Variants in ADTRP observed in about 807,000 individuals in gnomAD.
The protein encoded by ADTRP is androgen dependent TFPI regulating protein, also known as androgen-dependent TFPI-regulating protein.
ADTRP carries 20 observed loss-of-function variants against 27.0 expected under a neutral mutation model. That is an observed-to-expected ratio of 0.74 (90% CI 0.52 to 1.08). ADTRP has a LOEUF of 1.08. ADTRP is among the 50% of genes least tolerant of loss of function. The probability of loss-of-function intolerance (pLI) is 0.00; values close to 1 mark genes in which losing one functional copy is unlikely to be tolerated. For synonymous variants in ADTRP, 101 were observed against 105.2 expected (o/e 0.96, Z 0.25); for missense variants, 251 against 275.0 (o/e 0.91, Z 0.62).
At chr6:11,769,131 C>T (rs55647423) in intron 1 of ADTRP, among the ~76,000 whole-genome samples, 2,462 of 152,194 alleles carry the variant, frequency 0.016, 82 homozygotes, top group African/African-American at 0.055. Flanking sequence ...ATTCTTGTTG[C>T]TTTGTACAGT....
chr6:11,778,092 C>A (rs544182071), intron 1 of ADTRP, among the ~76,000 whole-genome samples: 3 of 152,160 alleles, frequency 2.0e-5, no homozygotes, highest in African/African-American at 7.2e-5. Context: ...TAAGATGGAG[C>A]CTGAACCTAT....
chr6:11,747,189 C>T (rs1762891792), intron 3 of ADTRP, among the ~76,000 whole-genome samples: 2 of 152,150 alleles, frequency 1.3e-5, no homozygotes, highest in South Asian at 4.1e-4. Context: ...AAAATTTCTC[C>T]AAAGGTCACA....
intron 1 of ADTRP, among the ~76,000 whole-genome samples, chr6:11,770,554 G>A (rs1271405277): frequency 6.6e-6 from 1 of 152,112 alleles, no homozygotes; most frequent in African/African-American, 2.4e-5. Flanking sequence ...ACGGCCGGGG[G>A]TAGAAGAGCC....
Position 11,714,393 on chromosome 6 carries a change from C to T in ADTRP, c.*85G>A, listed in dbSNP as rs1761743994. 6.8e-7 allele frequency: 1 copy of T among 1,476,492 alleles called. No individual in the cohort carries two copies. Among genetic ancestry groups the T allele is most frequent in the Non-Finnish European group, 9.2e-7 (1 of 1,090,304 alleles). 91.5% of individuals were successfully genotyped at this position (1,476,492 alleles called of 1,614,324 possible). ...CCTACTTTGCTATGTTCCTCCACCA[C>T]CTCCCTCCACCAGAAAAAAAAAAAA... On this transcript the variant is annotated 3_prime_UTR_variant, in exon 6 of 6. Transcript: ENST00000414691.
chr6:11,720,532 C>T (rs758812330), intron 5 of ADTRP, among the ~76,000 whole-genome samples: 4 of 150,494 alleles, frequency 2.7e-5, no homozygotes, highest in Admixed American at 6.6e-5. Flanking sequence ...AGTGCAGTGG[C>T]GCGATCTCGG....
chr6:11,763,877 T>G (rs967565555), intron 3 of ADTRP, among the ~76,000 whole-genome samples: 5 of 152,246 alleles, frequency 3.3e-5, no homozygotes, highest in African/African-American at 1.2e-4. Context: ...AGTTTGGGAA[T>G]GACTGTGTTA....
chr6:11,751,577 A>G (rs1283898449), intron 3 of ADTRP, among the ~76,000 whole-genome samples: 7 of 151,660 alleles, frequency 4.6e-5, no homozygotes, highest in Non-Finnish European at 1.0e-4. Flanking sequence ...CTCGGTTTAC[A>G]CTCTATTTTT....
chr6:11,743,531 T>C (rs1762779836), intron 3 of ADTRP, among the ~76,000 whole-genome samples: 2 of 152,138 alleles, frequency 1.3e-5, no homozygotes, highest in Non-Finnish European at 2.9e-5. Flanking sequence ...CTTAGCTGAA[T>C]CCTGAAACTC....
intron 3 of ADTRP, among the ~76,000 whole-genome samples, chr6:11,746,355 C>T (rs984355891): frequency 5.3e-5 from 8 of 152,174 alleles, no homozygotes; most frequent in Non-Finnish European, 1.2e-4. Flanking sequence ...TGTGGAGACA[C>T]ACCAGTTGAG....
intron 3 of ADTRP, among the ~76,000 whole-genome samples, chr6:11,760,798 C>G (rs1465781177): frequency 6.6e-6 from 1 of 152,190 alleles, no homozygotes; most frequent in Admixed American, 6.5e-5. Flanking sequence ...CCTTGCACCT[C>G]CCAAGCCTCT....
chr6:11,754,119 C>T (rs1173757507), intron 3 of ADTRP, among the ~76,000 whole-genome samples: 3 of 152,142 alleles, frequency 2.0e-5, no homozygotes. Context: ...AACAGAATCC[C>T]AAATTTGAGC....
chr6:11,753,885 T>C (rs1441822972), intron 3 of ADTRP, among the ~76,000 whole-genome samples: 1 of 152,198 alleles, frequency 6.6e-6, no homozygotes, highest in Non-Finnish European at 1.5e-5. Flanking sequence ...GTAGGCCTGT[T>C]ATCATCAGGG....
chr6:11,766,328 G>A lies in ADTRP; in HGVS notation c.336C>T (p.Leu112=), dbSNP rs923699434. The A allele has an allele frequency of 1.2e-6, 2 of 1,612,848 alleles. No homozygotes were observed. ...FWILFLYNRD[L]IYPKVLDTVI... is the part of the protein sequence containing the mutation. Reference sequence around the variant, plus strand: ...CAGTATCTAGGACCTTGGGGTAAATGAGATCTCGATTGTAGAGAAAGAGGA... The same window carrying A: ...CAGTATCTAGGACCTTGGGGTAAATAAGATCTCGATTGTAGAGAAAGAGGA... Residue 112 remains leucine (L), a synonymous_variant, in exon 3 of 6, where the codon CTC becomes CTT. Transcript: ENST00000414691.
chr6:11,763,122 G>A (rs1448870373), intron 3 of ADTRP, among the ~76,000 whole-genome samples: 1 of 152,206 alleles, frequency 6.6e-6, no homozygotes, highest in African/African-American at 2.4e-5. Context: ...TCTCACTGAT[G>A]TTTCTATTTA....
intron 4 of ADTRP, among the ~76,000 whole-genome samples, chr6:11,727,178 T>C (rs566666901): frequency 6.6e-6 from 1 of 152,278 alleles, no homozygotes; most frequent in East Asian, 1.9e-4. Flanking sequence ...TGCGCCACCA[T>C]GCCCAGCTAA....
chr6:11,720,597 G>A (rs996068496), intron 5 of ADTRP, among the ~76,000 whole-genome samples: 1 of 151,614 alleles, frequency 6.6e-6, no homozygotes, highest in Non-Finnish European at 1.5e-5. Context: ...TCAGCCTCCC[G>A]CGTAGCTGGG....
At position 11,735,626 on chromosome 6, in the gene ADTRP, G is replaced by T. The variant is rs773522552; in HGVS notation, c.448C>A (p.Pro150Thr). The change falls in exon 4 of 6, where the codon CCA (proline) becomes ACA (threonine). Residue 150 changes from proline (P) to threonine (T), a missense_variant. By Grantham distance (38) the Pro-to-Thr change is conservative. Transcript: ENST00000414691. ...AAGGTGAGTCCTGTCTTCTTTGATG[G>T]ATAGGAGTGAGGCCTGAGGACGACT... Reference protein sequence around the residue: ...AEVVLRPHSYPSKKTGLTLLA... With the variant: ...AEVVLRPHSYTSKKTGLTLLA... 3.7e-6 allele frequency: 6 copies of T among 1,614,008 alleles called. No homozygotes were observed. The Admixed American group carries it at 1.0e-4, about 27-fold the overall frequency.
At chr6:11,765,919 G>C (rs185769216) in intron 3 of ADTRP, among the ~76,000 whole-genome samples, 2 of 149,520 alleles carry the variant, frequency 1.3e-5, no homozygotes, top group South Asian at 2.1e-4. Flanking sequence ...GTTGGGGTGG[G>C]CTTTTTTTTT....
chr6:11,767,624 G>A (rs2113336919), intron 2 of ADTRP: 1 of 152,310 alleles, frequency 6.6e-6, no homozygotes, highest in African/African-American at 2.4e-5. Flanking sequence ...CATGAACAAT[G>A]TCATAGAAAT....
Sources: allele counts gnomAD v4.1 joint callset (sites outside exome capture counted in the v4.1 genomes callset), GRCh38; gene constraint gnomAD v4.1.1; transcripts MANE v1.5; gene names NCBI Gene and HGNC (gene_info 2026-07-23, HGNC 2026-07-21).